Variants in MROH2B observed in about 807,000 individuals in gnomAD.
MROH2B encodes the protein maestro heat-like repeat-containing protein family member 2B.
MROH2B carries 177 observed loss-of-function variants against 208.6 expected under a neutral mutation model. That is an observed-to-expected ratio of 0.85 (90% CI 0.75 to 0.96). The LOEUF (loss-of-function observed/expected upper bound fraction) is 0.96. Ranked by LOEUF, MROH2B falls within the 40% of genes least tolerant of loss-of-function variation. The pLI is 0.00. For missense variants in MROH2B, 2,002 were observed against 1,878.7 expected, an observed-to-expected ratio of 1.07 and a Z score of -1.21; for synonymous variants, 728 against 659.0, an observed-to-expected ratio of 1.10 and a Z score of -1.60.
chr5:41,033,526 T>C (rs1742646170), intron 22 of MROH2B, among the ~76,000 whole-genome samples: 1 of 152,148 alleles, frequency 6.6e-6, no homozygotes, highest in Admixed American at 6.5e-5. Context: ...GTTGTTTCAC[T>C]AAAGAATTTT....
At chr5:40,999,651 G>T (rs951425621) in intron 40 of MROH2B, 26 bp downstream of exon 40, 9 of 1,580,168 alleles carry the variant, frequency 5.7e-6, no homozygotes, top group Non-Finnish European at 6.9e-6. Flanking sequence ...GACATATCTG[G>T]GTAGGAAATG....
intron 11 of MROH2B, among the ~76,000 whole-genome samples, chr5:41,053,148 A>G (rs759150019): frequency 6.6e-6 from 1 of 152,204 alleles, no homozygotes; most frequent in Non-Finnish European, 1.5e-5. Context: ...ACTCAATGAA[A>G]GATAACAGAC....
At chr5:41,033,334 C>A (rs886738445) in intron 22 of MROH2B, among the ~76,000 whole-genome samples, 174 bp from the exon 23 acceptor site, 1 of 152,026 alleles carries the variant, frequency 6.6e-6, no homozygotes, top group African/African-American at 2.4e-5. Context: ...GAAACAAATG[C>A]CATTTTTCCT....
chr5:41,069,578 G>T, intron 2 of MROH2B, 113 bp downstream of exon 2: 3 of 764,800 alleles, frequency 3.9e-6, no homozygotes, highest in Non-Finnish European at 2.2e-6. Flanking sequence ...AAAATCTAAT[G>T]CCATGTAACA....
At chr5:41,010,161 A>T in intron 30 of MROH2B, 82 bp from the exon 31 acceptor site, 2 of 1,305,388 alleles carry the variant, frequency 1.5e-6, no homozygotes, top group Non-Finnish European at 2.1e-6. Flanking sequence ...TCTGTCGTGG[A>T]TGGGCAGCTG....
chr5:41,021,276 A>G (rs1742138138), intron 24 of MROH2B, among the ~76,000 whole-genome samples: 1 of 152,254 alleles, frequency 6.6e-6, no homozygotes, highest in Non-Finnish European at 1.5e-5. Flanking sequence ...ACATTGTTGA[A>G]AGAAATGAAA....
chr5:41,005,240 A>C, intron 35 of MROH2B: 1 of 520,984 alleles, frequency 1.9e-6, no homozygotes, highest in African/African-American at 1.9e-5. Flanking sequence ...TCAGGCCGGA[A>C]TTTGAAGCGT....
intron 11 of MROH2B, 119 bp downstream of exon 11, chr5:41,054,648 A>C: frequency 1.5e-6 from 1 of 655,850 alleles, no homozygotes; most frequent in Non-Finnish European, 2.4e-6. Flanking sequence ...TCTTTTAAAA[A>C]TGGAATTGAC....
At chr5:41,029,088 C>A (rs1259088160) in intron 24 of MROH2B, among the ~76,000 whole-genome samples, 1 of 152,250 alleles carries the variant, frequency 6.6e-6, no homozygotes, top group East Asian at 1.9e-4. Flanking sequence ...TACGTTCCCA[C>A]CAACAGTGTA....
At position 41,004,433 on chromosome 5, in the gene MROH2B, T is replaced by C. The variant is rs1487846041; in HGVS notation, c.4107A>G (p.Leu1369=). ...TEVVCESLKA[L]KKILELLTDR... is the part of the protein sequence containing the mutation. ...CTGTCAGCAGCTCCAGGATTTTTTT[T>C]AGAGCCTTCAAGCTTTCACAGACGA... Residue 1369 remains leucine, a synonymous_variant, in exon 37 of 42, where the codon CTA becomes CTG. Transcript: ENST00000399564. 1 of 1,614,026 alleles carries C rather than the reference T, an allele frequency of 6.2e-7. No individual in the cohort carries two copies. The highest frequency in any genetic ancestry group is 1.1e-5 in the South Asian group (1 of 91,084).
chr5:41,064,460 C>T lies in MROH2B; in HGVS notation c.460+12G>A, dbSNP rs111510166. On this transcript the variant is annotated intron_variant, in intron 5 of 41. Coordinates refer to ENST00000399564, the MANE Select transcript of MROH2B (RefSeq NM_173489.5). ...GGTTTTTAAGCAAAAAGGAAATCAT[C>T]GGGATACCCACCAATACAGAAAGTC... 172 of 1,608,858 alleles carry T rather than the reference C, an allele frequency of 1.1e-4. No individual in the cohort carries two copies. The highest frequency in any genetic ancestry group is 4.5e-4 in the East Asian group (20 of 44,826).
intron 11 of MROH2B, among the ~76,000 whole-genome samples, chr5:41,053,655 T>C (rs1381167391): frequency 2.0e-5 from 3 of 152,164 alleles, no homozygotes; most frequent in East Asian, 3.9e-4. Flanking sequence ...GTACACCTTT[T>C]CTCTATTTTT....
In MROH2B at chr5:41,049,442, G is replaced by T; in HGVS notation, c.1345-6C>A. The T allele has an allele frequency of 1.2e-6, 2 of 1,608,956 alleles. No individual in the cohort carries two copies. Among genetic ancestry groups the T allele is most frequent in the Non-Finnish European group, 8.5e-7 (1 of 1,178,274 alleles). On this transcript the variant is annotated splice_polypyrimidine_tract_variant and splice_region_variant and intron_variant, in intron 13 of 41. Transcript: ENST00000399564. ...AGGATCCTTGGCCATAGCACCTGTG[G>T]AAAACAGGGCATGATGCAAGGATTG...
At chr5:41,038,642 G>A in intron 21 of MROH2B, 94 bp downstream of exon 21, 2 of 1,267,770 alleles carry the variant, frequency 1.6e-6, no homozygotes, top group Non-Finnish European at 2.1e-6. Flanking sequence ...ACATACCCAA[G>A]TCTGGGAAGG....
chr5:41,069,547 C>A, intron 2 of MROH2B, 144 bp downstream of exon 2: 1 of 646,658 alleles, frequency 1.5e-6, no homozygotes, highest in Non-Finnish European at 2.8e-6. Context: ...CAATGACTTT[C>A]ATTACAACTG....
rs540024081 is a variant in MROH2B, at chr5:41,052,535, A to T, written c.1160T>A (p.Ile387Asn). ...LIQTMCEKSY[I>N]EAREGWPLID... is the part of the protein sequence containing the mutation. ...CAATGGCCATCCTTCCCGAGCTTCA[A>T]TATAGGACTTTTCACACATGGTTTG... The change falls in exon 12 of 42, where the codon ATT (isoleucine) becomes AAT (asparagine). Residue 387 changes from isoleucine (I) to asparagine (N), a missense_variant. Ile to Asn is a moderately radical substitution (Grantham distance 149). Transcript: ENST00000399564. The T allele has an allele frequency of 2.5e-6, 4 of 1,612,666 alleles. No homozygotes were observed. The African/African-American group carries it at 5.3e-5, about 22-fold the overall frequency.
At position 41,052,521 on chromosome 5, in the gene MROH2B, C is replaced by A; in HGVS notation, c.1174G>T (p.Gly392Ter). 1 of 1,612,744 alleles carries A rather than the reference C, an allele frequency of 6.2e-7. No homozygotes were observed. Among genetic ancestry groups the A allele is most frequent in the Non-Finnish European group, 8.5e-7 (1 of 1,179,224 alleles). Residue 392 changes from glycine to a stop codon, truncating the protein, a stop_gained, in exon 12 of 42, where the codon GGA becomes TGA. Coordinates refer to ENST00000399564, the MANE Select transcript of MROH2B (RefSeq NM_173489.5). LOFTEE classifies it high-confidence loss of function. The part of the protein sequence containing the change: ...CEKSYIEARE[G>*]WPLIDYVFSQ... ...AAGACATAATCAATCAATGGCCATC[C>A]TTCCCGAGCTTCAATATAGGACTTT... is the stretch of plus-strand genomic sequence containing the variant.
At chr5:41,053,998 AAG>A (rs1743367139) in intron 11 of MROH2B, among the ~76,000 whole-genome samples, 1 of 151,352 alleles carries the variant, frequency 6.6e-6, no homozygotes, top group South Asian at 2.1e-4. Context: ...TTTTTTTTTA[AAG>A]AGAGAGTCTT....
Position 41,045,996 on chromosome 5 carries a change from G to A in MROH2B, c.1729-143C>T, listed in dbSNP as rs144581597. The A allele has an allele frequency of 3.6e-3, 1,644 of 451,072 alleles. 39 individuals are homozygous for A. The East Asian group carries it at 0.053, about 15-fold the overall frequency. The allele number at this position is 451,072 out of a possible 1,614,324, so 27.9% of individuals were successfully genotyped here. ...TTTCCATAAAATAACTAATTCCTTCGAAACTTTCCTCTTAGTTTATTCTAA... is the reference window on the plus strand; with the variant it reads ...TTTCCATAAAATAACTAATTCCTTCAAAACTTTCCTCTTAGTTTATTCTAA... On this transcript the variant is annotated intron_variant, in intron 17 of 41. Coordinates refer to ENST00000399564, the MANE Select transcript of MROH2B (RefSeq NM_173489.5).
Sources: gnomAD v4.1 joint callset for allele counts (sites outside exome capture counted in the v4.1 genomes callset) on GRCh38, gnomAD v4.1.1 for gene constraint, MANE v1.5 for transcripts, NCBI Gene and HGNC (gene_info 2026-07-23, HGNC 2026-07-21) for gene names.